PIEZO2: variants seen among roughly 807,000 people sequenced by gnomAD.
PIEZO2 encodes piezo-type mechanosensitive ion channel component 2.
In PIEZO2, 172 loss-of-function variants were observed where a neutral mutation model predicts 337.3. That is an observed-to-expected ratio of 0.51 (90% CI 0.45 to 0.58). PIEZO2 has a LOEUF of 0.58. PIEZO2 is among the 20% of genes least tolerant of loss of function. The pLI, the probability that PIEZO2 is intolerant of heterozygous loss-of-function variation, is 0.00. For missense variants in PIEZO2, 3,028 were observed against 3,391.3 expected (o/e 0.89, Z 2.66); for synonymous variants, 1,251 against 1,228.5 (o/e 1.02, Z -0.38).
In PIEZO2 at chr18:10,877,638, C is replaced by T. The variant is rs1013859893; in HGVS notation, c.330-6223G>A. On this transcript the variant is annotated intron_variant, in intron 4 of 55. Transcript: ENST00000674853. This position sits in a 1 kb window ranked among gnomAD's most constrained non-coding sequence, Gnocchi z 5.3. ...ACTTCTAACGTCTCCTTTCCCAGCCCTCCCCTTTATCCCCACAGCCCGGTC... is the reference window on the plus strand; with the variant it reads ...ACTTCTAACGTCTCCTTTCCCAGCCTTCCCCTTTATCCCCACAGCCCGGTC... Among the ~76,000 whole-genome samples, 2 of 152,178 alleles carry T rather than the reference C, an allele frequency of 1.3e-5. No homozygotes were observed. The highest frequency in any genetic ancestry group is 4.8e-5 in the African/African-American group (2 of 41,434).
chr18:11,006,184 TCAC>T (rs1375279374), intron 2 of PIEZO2, among the ~76,000 whole-genome samples: 1 of 152,182 alleles, frequency 6.6e-6, no homozygotes, highest in Admixed American at 6.5e-5. Context: ...TTTGTACACT[TCAC>T]CACTTCACTA....
Position 10,979,687 on chromosome 18 carries a change from T to G in PIEZO2, c.161-27A>C. The G allele has an allele frequency of 6.6e-7, 1 of 1,512,118 alleles. No individual in the cohort carries two copies. The highest frequency in any genetic ancestry group is 1.4e-5 in the African/African-American group (1 of 72,762). The allele number at this position is 1,512,118 out of a possible 1,614,324, so 93.7% of individuals were successfully genotyped here. Reference sequence around the variant, plus strand: ...TAAGGGATAAAAAGTGCAGAGATTGTGAGAGAGCTTAAGATGAAACACACT... The same window carrying G: ...TAAGGGATAAAAAGTGCAGAGATTGGGAGAGAGCTTAAGATGAAACACACT... On this transcript the variant is annotated intron_variant, in intron 2 of 55. Coordinates refer to ENST00000674853, the MANE Select transcript of PIEZO2 (RefSeq NM_001378183.1). The surrounding 1 kb of genome is among the most constrained non-coding windows in gnomAD (Gnocchi z 4.0).
intron 3 of PIEZO2, among the ~76,000 whole-genome samples, chr18:10,948,384 C>CA (rs1429508683): frequency 6.6e-6 from 1 of 152,090 alleles, no homozygotes; most frequent in Non-Finnish European, 1.5e-5. Flanking sequence ...GTATGTGTTA[C>CA]AAAAAAATTC....
In PIEZO2 at chr18:11,101,389, T is replaced by C. The variant is rs2146094374; in HGVS notation, c.65-35167A>G. On this transcript the variant is annotated intron_variant, in intron 1 of 55. Coordinates refer to ENST00000674853, the MANE Select transcript of PIEZO2 (RefSeq NM_001378183.1). This position sits in a 1 kb window ranked among gnomAD's most constrained non-coding sequence, Gnocchi z 4.4. Reference sequence around the variant, plus strand: ...AGGGCCCCAGGAGCAGAAACGGAAGTGGTTCCCTTAAAGTTATAGGATAAC... The same window carrying C: ...AGGGCCCCAGGAGCAGAAACGGAAGCGGTTCCCTTAAAGTTATAGGATAAC... Among the ~76,000 whole-genome samples, 1 of 152,358 alleles carries C rather than the reference T, an allele frequency of 6.6e-6. No individual in the cohort carries two copies. Among genetic ancestry groups the C allele is most frequent in the Non-Finnish European group, 1.5e-5 (1 of 68,040 alleles).
intron 3 of PIEZO2, among the ~76,000 whole-genome samples, chr18:10,911,774 AAACAAC>A (rs60239150): frequency 1.3e-5 from 2 of 150,264 alleles, no homozygotes; most frequent in African/African-American, 2.4e-5. Context: ...AAACAAAACA[AAACAAC>A]AACAACAACA....
At position 10,922,215 on chromosome 18, in the gene PIEZO2, G is replaced by A. The variant is rs541231745; in HGVS notation, c.287-10987C>T. ...CTTGTGGGGCATCACAGAATCTACCGACATGTGATGTCTCCCCTGGATGCC... is the reference window on the plus strand; with the variant it reads ...CTTGTGGGGCATCACAGAATCTACCAACATGTGATGTCTCCCCTGGATGCC... On this transcript the variant is annotated intron_variant, in intron 3 of 55. Coordinates refer to ENST00000674853, the MANE Select transcript of PIEZO2 (RefSeq NM_001378183.1). Among the ~76,000 whole-genome samples the A allele has an allele frequency of 3.5e-4, 54 of 152,164 alleles. No homozygotes were observed. The South Asian group carries it at 5.0e-3, about 14-fold the overall frequency.
chr18:10,743,310 C>T (rs1249174439), intron 31 of PIEZO2, among the ~76,000 whole-genome samples: 2 of 152,130 alleles, frequency 1.3e-5, no homozygotes, highest in Non-Finnish European at 2.9e-5. Context: ...AGCAAACTTA[C>T]AGAACTTTCC....
At chr18:10,806,192 G>A (rs1322552372) in intron 8 of PIEZO2, among the ~76,000 whole-genome samples, 1 of 152,124 alleles carries the variant, frequency 6.6e-6, no homozygotes, top group Non-Finnish European at 1.5e-5. Context: ...CGGAGGAGGG[G>A]GACTGGAATG....
At chr18:10,981,309 A>G (rs1039166595) in intron 2 of PIEZO2, among the ~76,000 whole-genome samples, 5 of 152,180 alleles carry the variant, frequency 3.3e-5, no homozygotes, top group Non-Finnish European at 5.9e-5. Context: ...TGTAACACAT[A>G]ATAGATATGA....
At chr18:11,073,551 A>C (rs1176590816) in intron 1 of PIEZO2, among the ~76,000 whole-genome samples, 1 of 152,162 alleles carries the variant, frequency 6.6e-6, no homozygotes, top group Non-Finnish European at 1.5e-5. Flanking sequence ...GTGTCCCTGG[A>C]TGCAGCAATA....
Position 11,001,035 on chromosome 18 carries a change from A to G in PIEZO2, c.161-21375T>C, listed in dbSNP as rs1023552339. ...AGACAGCTTCCTACAGTTAAAGGCA[A>G]TTATTGGAAAGGAACTCAGCTGTTA... On this transcript the variant is annotated intron_variant, in intron 2 of 55. Coordinates refer to ENST00000674853, the MANE Select transcript of PIEZO2 (RefSeq NM_001378183.1). The surrounding 1 kb of genome is among the most constrained non-coding windows in gnomAD (Gnocchi z 5.3). 1.3e-5 allele frequency among the ~76,000 whole-genome samples: 2 copies of G among 152,188 alleles called. No homozygotes were observed. Among genetic ancestry groups the G allele is most frequent in the Non-Finnish European group, 2.9e-5 (2 of 68,036 alleles).
intron 49 of PIEZO2, among the ~76,000 whole-genome samples, chr18:10,688,238 T>C (rs770890745): frequency 3.9e-5 from 6 of 152,150 alleles, no homozygotes; most frequent in Non-Finnish European, 8.8e-5. Flanking sequence ...CTCCCGCTTA[T>C]GAGTGAGAAC....
Position 10,973,494 on chromosome 18 carries a change from A to G in PIEZO2, c.286+6041T>C, listed in dbSNP as rs569192587. Among the ~76,000 whole-genome samples, 2 of 152,364 alleles carry G rather than the reference A, an allele frequency of 1.3e-5. No homozygotes were observed. The highest frequency in any genetic ancestry group is 4.1e-4 in the South Asian group (2 of 4,830). On this transcript the variant is annotated intron_variant, in intron 3 of 55. Transcript: ENST00000674853. This position sits in a 1 kb window ranked among gnomAD's most constrained non-coding sequence, Gnocchi z 4.9. ...ACAGCACTTAAGGCAAAGTTCTCCT[A>G]TACATGATCAGAAGGTATATATATG...
chr18:11,138,703 G>A lies in PIEZO2; in HGVS notation c.64+9822C>T, dbSNP rs191443843. 2.8e-3 allele frequency among the ~76,000 whole-genome samples: 428 copies of A among 152,314 alleles called. 2 individuals carry two copies. The highest frequency in any genetic ancestry group is 9.7e-3 in the African/African-American group (402 of 41,558). ...CCCTGAACCTACAGACACATAGAAG[G>A]CAAGACAGTGCTCCTACAACTGAAT... is the stretch of plus-strand genomic sequence containing the variant. On this transcript the variant is annotated intron_variant, in intron 1 of 55. Coordinates refer to ENST00000674853, the MANE Select transcript of PIEZO2 (RefSeq NM_001378183.1).
In PIEZO2 at chr18:10,762,998, C is replaced by T; in HGVS notation, c.3047G>A (p.Cys1016Tyr). ...LASSVCTVWT[C>Y]VIIVCKMLYQ... Reference sequence around the variant, plus strand: ...CAACATTTTGCAGACGATGATCACACACGTCCAGACTGTGCAGACACTTGA... The same window carrying T: ...CAACATTTTGCAGACGATGATCACATACGTCCAGACTGTGCAGACACTTGA... The change falls in exon 22 of 56, where the codon TGT becomes TAT. Residue 1016 changes from cysteine to tyrosine, a missense_variant. By Grantham distance (194) the Cys-to-Tyr change is radical. Around this residue, in one of 5 missense-constraint regions of PIEZO2, gnomAD observed 1,925 missense variants for 2,051.9 expected, o/e 0.94. Coordinates refer to ENST00000674853, the MANE Select transcript of PIEZO2 (RefSeq NM_001378183.1). 1 of 1,537,318 alleles carries T rather than the reference C, an allele frequency of 6.5e-7. No homozygotes were observed. The highest frequency in any genetic ancestry group is 1.4e-5 in the African/African-American group (1 of 73,172).
intron 2 of PIEZO2, among the ~76,000 whole-genome samples, chr18:11,013,438 G>A (rs535595887): frequency 6.6e-6 from 1 of 152,326 alleles, no homozygotes; most frequent in East Asian, 1.9e-4. Context: ...TAATACATTT[G>A]TATTGTCTTA....
rs1259744368 is a variant in PIEZO2 at position 10,800,389 on chromosome 18, G to A, written c.1326C>T (p.Ala442=). The A allele has an allele frequency of 5.2e-6, 8 of 1,536,292 alleles. No homozygotes were observed. Among genetic ancestry groups the A allele is most frequent in the East Asian group, 2.5e-5 (1 of 40,810 alleles). The change falls in exon 11 of 56, where the codon GCC becomes GCT. Residue 442 remains alanine, a synonymous_variant. Transcript: ENST00000674853. Reference sequence around the variant, plus strand: ...GGTACTGAGGGGTGGAGTAGAGGTCGGCTTTGCCAGGGCCGTTCTCCATGG... The same window carrying A: ...GGTACTGAGGGGTGGAGTAGAGGTCAGCTTTGCCAGGGCCGTTCTCCATGG... ...SLPMENGPGK[A]DLYSTPQYRW...
chr18:11,124,332 G>T (rs1445087422), intron 1 of PIEZO2, among the ~76,000 whole-genome samples: 1 of 152,186 alleles, frequency 6.6e-6, no homozygotes, highest in African/African-American at 2.4e-5. Flanking sequence ...AAGGAATGAA[G>T]ACAATGAATT....
intron 30 of PIEZO2, 66 bp from the exon 31 acceptor site, chr18:10,744,297 A>G: frequency 9.7e-7 from 1 of 1,028,090 alleles, no homozygotes; most frequent in Non-Finnish European, 1.5e-6. Flanking sequence ...TTTTCCTGAA[A>G]ATTATTACTA....
Sources: gnomAD v4.1 joint callset for allele counts (sites outside exome capture counted in the v4.1 genomes callset) on GRCh38, gnomAD v4.1.1 for gene constraint, gnomAD v4.1.1 regional missense constraint, Gnocchi (gnomAD v3.1) non-coding constraint, MANE v1.5 for transcripts, NCBI Gene and HGNC (gene_info 2026-07-23, HGNC 2026-07-21) for gene names.